Variants in FOXP2 observed in about 807,000 individuals in gnomAD.
The protein encoded by FOXP2 is forkhead box protein P2.
Under a neutral mutation model 115.8 loss-of-function variants are expected in FOXP2, and 12 were observed. The observed-to-expected ratio is 0.10, with a 90% CI of 0.07 to 0.17. The LOEUF (loss-of-function observed/expected upper bound fraction) is 0.17. Among genes scored for constraint, FOXP2 ranks in the 10% least tolerant of loss-of-function variants. The pLI is 1.00. For missense variants in FOXP2, 629 were observed against 843.5 expected, an observed-to-expected ratio of 0.75 and a Z score of 3.15; for synonymous variants, 328 against 297.7, an observed-to-expected ratio of 1.10 and a Z score of -1.05.
chr7:114,156,597 G>A (rs1367498456), intron 1 of FOXP2, among the ~76,000 whole-genome samples: 3 of 152,060 alleles, frequency 2.0e-5, no homozygotes, highest in Admixed American at 2.0e-4. Flanking sequence ...TGTATTGATT[G>A]ATGTCTTATG....
chr7:114,204,451 G>A lies in FOXP2; in HGVS notation c.-102+41363G>A, dbSNP rs539795987. The stretch of plus-strand genomic sequence containing the variant: ...ACTGTAGAAAAAGTCTGAGAACTGA[G>A]TCAGTAAGGAAGGGGTTTAACTCAC... On this transcript the variant is annotated intron_variant, in intron 1 of 17. Transcript: ENST00000634411. Among the ~76,000 whole-genome samples, 22 of 152,260 alleles carry A rather than the reference G, an allele frequency of 1.4e-4. No homozygotes were observed. The South Asian group carries it at 4.6e-3, about 32-fold the overall frequency.
At chr7:114,665,648 G>A (rs1807123877) in intron 16 of FOXP2, 2 of 151,956 alleles carry the variant, frequency 1.3e-5, no homozygotes, top group Admixed American at 1.3e-4. Flanking sequence ...GTTTTATCAG[G>A]TTCCGAACCA....
chr7:114,197,287 G>A (rs141178585), intron 1 of FOXP2, among the ~76,000 whole-genome samples: 21 of 152,304 alleles, frequency 1.4e-4, no homozygotes, highest in Admixed American at 6.5e-4. Context: ...ACAAAATACC[G>A]TAGACTGAGT....
intron 1 of FOXP2, among the ~76,000 whole-genome samples, chr7:114,245,253 A>G (rs1562833548): frequency 6.6e-6 from 1 of 152,216 alleles, no homozygotes; most frequent in Non-Finnish European, 1.5e-5. Flanking sequence ...TGAATTACAC[A>G]GTGCCTTGAA....
At chr7:114,490,535 A>AGGGT (rs1796991833) in intron 2 of FOXP2, among the ~76,000 whole-genome samples, 1 of 151,868 alleles carries the variant, frequency 6.6e-6, no homozygotes, top group Admixed American at 6.6e-5. Flanking sequence ...TTTAAGTTTT[A>AGGGT]GGGTACATGT....
At chr7:114,331,305 T>C (rs1176240727) in intron 2 of FOXP2, among the ~76,000 whole-genome samples, 2 of 152,208 alleles carry the variant, frequency 1.3e-5, no homozygotes, top group African/African-American at 2.4e-5. Flanking sequence ...AATTCCTTTA[T>C]TGGACAAAAG....
At chr7:114,518,067 A>G in intron 2 of FOXP2, among the ~76,000 whole-genome samples, 1 of 152,040 alleles carries the variant, frequency 6.6e-6, no homozygotes, top group Non-Finnish European at 1.5e-5. Context: ...ATTGCTAAGT[A>G]TTTTTTGGTG....
chr7:114,181,593 C>T (rs955282966), intron 1 of FOXP2, among the ~76,000 whole-genome samples: 1 of 151,926 alleles, frequency 6.6e-6, no homozygotes, highest in African/African-American at 2.4e-5. Context: ...AGAAGATGCA[C>T]CTGAAACAGA....
chr7:114,154,723 T>C (rs915098073), intron 1 of FOXP2, among the ~76,000 whole-genome samples: 1 of 152,158 alleles, frequency 6.6e-6, no homozygotes, highest in African/African-American at 2.4e-5. Context: ...AGAGATTAAA[T>C]ACTATATGTG....
At chr7:114,259,251 T>A (rs1486870331) in intron 1 of FOXP2, among the ~76,000 whole-genome samples, 1 of 152,146 alleles carries the variant, frequency 6.6e-6, no homozygotes, top group Non-Finnish European at 1.5e-5. Flanking sequence ...GCTTAATAAA[T>A]AAATATTGTA....
At chr7:114,513,929 C>T (rs1009493091) in intron 2 of FOXP2, among the ~76,000 whole-genome samples, 9 of 151,944 alleles carry the variant, frequency 5.9e-5, no homozygotes, top group African/African-American at 1.4e-4. Flanking sequence ...ACTGCTAAGA[C>T]GTATTTCAAA....
chr7:114,396,033 G>A (rs927476859), intron 2 of FOXP2, among the ~76,000 whole-genome samples: 11 of 151,814 alleles, frequency 7.2e-5, no homozygotes, highest in Non-Finnish European at 1.5e-4. Flanking sequence ...TATTCTTTTA[G>A]TTATTTTAAA....
intron 1 of FOXP2, among the ~76,000 whole-genome samples, chr7:114,230,024 A>G (rs1321748556): frequency 6.6e-6 from 1 of 151,840 alleles, no homozygotes; most frequent in African/African-American, 2.4e-5. Context: ...GAAGATTCAA[A>G]TCAGAAATGA....
chr7:114,636,599 GA>G (rs1805230262), intron 6 of FOXP2, among the ~76,000 whole-genome samples: 1 of 144,440 alleles, frequency 6.9e-6, no homozygotes, highest in Admixed American at 7.0e-5. Flanking sequence ...ACTGGACACA[GA>G]AAAAGAAATG....
chr7:114,675,679 T>C (rs1404966495), intron 16 of FOXP2, among the ~76,000 whole-genome samples: 1 of 152,162 alleles, frequency 6.6e-6, no homozygotes, highest in East Asian at 1.9e-4. Context: ...TTGTAGATGG[T>C]TAAAAGGAAA....
intron 2 of FOXP2, among the ~76,000 whole-genome samples, chr7:114,298,628 A>G (rs1425221654): frequency 6.6e-6 from 1 of 152,194 alleles, no homozygotes; most frequent in East Asian, 1.9e-4. Flanking sequence ...TAATTTGCCC[A>G]GTGTTACCTG....
intron 1 of FOXP2, among the ~76,000 whole-genome samples, chr7:114,287,024 A>G (rs1796482440): frequency 1.3e-5 from 2 of 152,202 alleles, no homozygotes; most frequent in African/African-American, 4.8e-5. Flanking sequence ...TATGGCAGAC[A>G]TTGCTAATTG....
chr7:114,516,391 C>T, intron 2 of FOXP2, among the ~76,000 whole-genome samples: 1 of 152,074 alleles, frequency 6.6e-6, no homozygotes, highest in Non-Finnish European at 1.5e-5. Flanking sequence ...CTTCCTTACA[C>T]CTTATACAAA....
intron 2 of FOXP2, among the ~76,000 whole-genome samples, chr7:114,374,124 T>C (rs2129190114): frequency 6.6e-6 from 1 of 152,334 alleles, no homozygotes; most frequent in South Asian, 2.1e-4. Context: ...TAATTATACA[T>C]ATTATATAAT....
Sources: gnomAD v4.1 joint callset for allele counts (sites outside exome capture counted in the v4.1 genomes callset) on GRCh38, gnomAD v4.1.1 for gene constraint, MANE v1.5 for transcripts, NCBI Gene and HGNC (gene_info 2026-07-23, HGNC 2026-07-21) for gene names.